The following SLIT2 variants were observed in gnomAD, a reference collection of about 807,000 sequenced individuals.
SLIT2 encodes slit homolog 2 protein.
Under a neutral mutation model 185.7 loss-of-function variants are expected in SLIT2, and 41 were observed. The ratio of observed to expected loss-of-function variants is 0.22; its 90% CI spans 0.17 to 0.29. The LOEUF is 0.29. Ranked by LOEUF, SLIT2 falls within the 10% of genes least tolerant of loss-of-function variation. The probability of loss-of-function intolerance (pLI) is 1.00; values close to 1 mark genes in which losing one functional copy is unlikely to be tolerated. For missense variants in SLIT2, 1,571 were observed against 1,909.0 expected (o/e 0.82, Z 3.30); for synonymous variants, 693 against 680.2 (o/e 1.02, Z -0.29).
chr4:20,285,757 A>C (rs1306317082), intron 4 of SLIT2, among the ~76,000 whole-genome samples: 1 of 152,198 alleles, frequency 6.6e-6, no homozygotes, highest in Non-Finnish European at 1.5e-5. Context: ...CATATTGCCC[A>C]GGCAGGTCTC....
intron 4 of SLIT2, among the ~76,000 whole-genome samples, chr4:20,396,359 T>C (rs1725888711): frequency 6.6e-6 from 1 of 151,854 alleles, no homozygotes; most frequent in Non-Finnish European, 1.5e-5. Flanking sequence ...AGCTCATTAA[T>C]GTTCAGATAT....
In SLIT2 at chr4:20,331,606, C is replaced by T. The variant is rs573376387; in HGVS notation, c.395+62725C>T. Among the ~76,000 whole-genome samples the T allele has an allele frequency of 3.2e-4, 49 of 152,132 alleles. 2 individuals carry two copies. The South Asian group carries it at 8.5e-3, about 26-fold the overall frequency. ...TATTTTCTTACATCAATCTTTGCCACTAGATTTTTTAAATAAGAGCTTTCT... is the reference window on the plus strand; with the variant it reads ...TATTTTCTTACATCAATCTTTGCCATTAGATTTTTTAAATAAGAGCTTTCT... On this transcript the variant is annotated intron_variant, in intron 4 of 36. Transcript: ENST00000504154.
intron 36 of SLIT2, 50 bp from the exon 37 acceptor site, chr4:20,618,718 G>T: frequency 6.6e-7 from 1 of 1,524,602 alleles, no homozygotes; most frequent in South Asian, 1.3e-5. Flanking sequence ...CACTCTGCAT[G>T]ACTTACAGTG....
Position 20,268,662 on chromosome 4 carries a change from C to T in SLIT2, c.324-148C>T, listed in dbSNP as rs910607609. ...AAGAGTCATGTAACAAAAGGTGTAACCAACTTTTGATTTGCAATGCTTGAA... is the reference window on the plus strand; with the variant it reads ...AAGAGTCATGTAACAAAAGGTGTAATCAACTTTTGATTTGCAATGCTTGAA... On this transcript the variant is annotated intron_variant, in intron 3 of 36. Coordinates refer to ENST00000504154, the MANE Select transcript of SLIT2 (RefSeq NM_004787.4). 5.1e-5 allele frequency: 33 copies of T among 646,380 alleles called. No homozygotes were observed. In the South Asian group the frequency reaches 5.8e-4, roughly 11 times the overall value. 40.0% of individuals were successfully genotyped at this position (646,380 alleles called of 1,614,324 possible).
rs538382726 is a variant in SLIT2 at position 20,469,515 on chromosome 4, TG to T, written c.467+1693del. On this transcript the variant is annotated intron_variant, in intron 5 of 36. Coordinates refer to ENST00000504154, the MANE Select transcript of SLIT2 (RefSeq NM_004787.4). ...TTTAGCGATAACAGAAGCTAGTCAG[TG>T]TTCTATCTAATGGGATGTTGATTTA... Among the ~76,000 whole-genome samples, 254 of 152,250 alleles carry T rather than the reference TG, an allele frequency of 1.7e-3. 2 individuals are homozygous for T. Among genetic ancestry groups the T allele is most frequent in the African/African-American group, 5.8e-3 (241 of 41,576 alleles).
At chr4:20,581,488 GT>G (rs1726562425) in intron 29 of SLIT2, among the ~76,000 whole-genome samples, 1 of 152,084 alleles carries the variant, frequency 6.6e-6, no homozygotes, top group Admixed American at 6.5e-5. Context: ...TTCTTCCACT[GT>G]TCTCCATGTC....
chr4:20,452,470 ACTCT>A (rs1477647676), intron 4 of SLIT2, among the ~76,000 whole-genome samples: 1 of 151,940 alleles, frequency 6.6e-6, no homozygotes, highest in African/African-American at 2.4e-5. Context: ...CAGTTTCAAA[ACTCT>A]CTGCTTTAAA....
chr4:20,387,898 G>C (rs549632107), intron 4 of SLIT2, among the ~76,000 whole-genome samples: 2 of 152,204 alleles, frequency 1.3e-5, no homozygotes, highest in South Asian at 4.1e-4. Flanking sequence ...TGTAAGGTAA[G>C]AAAGAGGTGT....
chr4:20,323,968 A>G (rs1365574817), intron 4 of SLIT2, among the ~76,000 whole-genome samples: 1 of 152,222 alleles, frequency 6.6e-6, no homozygotes, highest in Non-Finnish European at 1.5e-5. Flanking sequence ...CACTTTGGAC[A>G]ATTTTTGATT....
At chr4:20,430,957 A>G (rs1160611497) in intron 4 of SLIT2, among the ~76,000 whole-genome samples, 1 of 152,216 alleles carries the variant, frequency 6.6e-6, no homozygotes, top group Non-Finnish European at 1.5e-5. Context: ...ACTGTCCAGA[A>G]GAAACCCAAC....
chr4:20,289,910 T>C (rs1560287011), intron 4 of SLIT2, among the ~76,000 whole-genome samples: 1 of 152,212 alleles, frequency 6.6e-6, no homozygotes. Flanking sequence ...CCTGCCTCTC[T>C]ACAGCTTCAT....
chr4:20,544,113 T>C (rs1306918048), intron 21 of SLIT2, among the ~76,000 whole-genome samples: 1 of 152,076 alleles, frequency 6.6e-6, no homozygotes, highest in East Asian at 1.9e-4. Context: ...GCATGGCACA[T>C]GTATACATAC....
chr4:20,432,359 C>CT (rs1471741157), intron 4 of SLIT2, among the ~76,000 whole-genome samples: 2 of 152,070 alleles, frequency 1.3e-5, no homozygotes, highest in African/African-American at 4.8e-5. Flanking sequence ...TAGTTTACTG[C>CT]TTAGTCCACA....
At chr4:20,281,126 C>A (rs71607013) in intron 4 of SLIT2, among the ~76,000 whole-genome samples, 1 of 152,082 alleles carries the variant, frequency 6.6e-6, no homozygotes, top group African/African-American at 2.4e-5. Context: ...AGCCACTGCA[C>A]CCAGCTGGTT....
chr4:20,263,337 T>G (rs1159766507), intron 3 of SLIT2, among the ~76,000 whole-genome samples: 1 of 151,820 alleles, frequency 6.6e-6, no homozygotes, highest in Non-Finnish European at 1.5e-5. Flanking sequence ...AATATTGCTT[T>G]ACGATAATAT....
intron 3 of SLIT2, among the ~76,000 whole-genome samples, chr4:20,262,256 A>G (rs1712550114): frequency 6.6e-6 from 1 of 151,838 alleles, no homozygotes; most frequent in African/African-American, 2.4e-5. Context: ...TTCTCCCTGC[A>G]TACACATATC....
At chr4:20,519,697 A>G (rs1248627895) in intron 12 of SLIT2, among the ~76,000 whole-genome samples, 2 of 152,174 alleles carry the variant, frequency 1.3e-5, no homozygotes, top group Non-Finnish European at 2.9e-5. Flanking sequence ...TGGCTTCTCT[A>G]TCATTTAAAG....
intron 5 of SLIT2, among the ~76,000 whole-genome samples, chr4:20,473,177 A>T (rs763181288): frequency 4.2e-5 from 6 of 141,382 alleles, no homozygotes; most frequent in Non-Finnish European, 9.3e-5. Context: ...ATCAAACTTT[A>T]CTATTCTTTC....
At chr4:20,573,517 G>T (rs557644842) in intron 29 of SLIT2, among the ~76,000 whole-genome samples, 5 of 151,966 alleles carry the variant, frequency 3.3e-5, no homozygotes, top group African/African-American at 1.2e-4. Flanking sequence ...GGGAAGAAGG[G>T]GTGGCTAGAA....
Sources: gnomAD v4.1 joint callset for allele counts (sites outside exome capture counted in the v4.1 genomes callset) on GRCh38, gnomAD v4.1.1 for gene constraint, MANE v1.5 for transcripts, NCBI Gene and HGNC (gene_info 2026-07-23, HGNC 2026-07-21) for gene names.